The following ACOXL variants were observed in gnomAD, a reference collection of about 807,000 sequenced individuals.
ACOXL encodes the protein acyl-CoA oxidase like, also known as acyl-coenzyme A oxidase-like protein.
In ACOXL, 70 loss-of-function variants were observed where a neutral mutation model predicts 71.9. That is an observed-to-expected ratio of 0.97 (90% confidence interval 0.80 to 1.19). The LOEUF is 1.19. Among genes scored for constraint, ACOXL ranks in the 50% most tolerant of loss-of-function variants. The pLI is 0.00. For missense variants in ACOXL, 703 were observed against 736.3 expected (o/e 0.95, Z 0.52); for synonymous variants, 253 against 281.6 (o/e 0.90, Z 1.02).
chr2:111,009,597 G>C (rs2064048283), intron 14 of ACOXL, among the ~76,000 whole-genome samples: 1 of 151,734 alleles, frequency 6.6e-6, no homozygotes, highest in South Asian at 2.1e-4. Context: ...ATCCCAAAAA[G>C]AAAGAAGCCG....
chr2:110,999,199 C>T (rs766632932), intron 14 of ACOXL, among the ~76,000 whole-genome samples: 59 of 152,248 alleles, frequency 3.9e-4, no homozygotes, highest in Middle Eastern at 3.4e-3. Flanking sequence ...ATGGCCGCCC[C>T]GCTTGCTACC....
chr2:110,890,648 C>G (rs1697824314), intron 10 of ACOXL, among the ~76,000 whole-genome samples: 1 of 152,188 alleles, frequency 6.6e-6, no homozygotes, highest in South Asian at 2.1e-4. Flanking sequence ...TCTAGACTCT[C>G]AATTCTATTC....
intron 11 of ACOXL, among the ~76,000 whole-genome samples, chr2:110,923,784 A>T (rs2060167945): frequency 6.6e-6 from 1 of 152,034 alleles, no homozygotes; most frequent in South Asian, 2.1e-4. Flanking sequence ...ACATACAAAA[A>T]AATTAGCTGG....
intron 14 of ACOXL, among the ~76,000 whole-genome samples, chr2:111,030,706 T>C (rs1288438523): frequency 2.0e-5 from 3 of 149,930 alleles, no homozygotes; most frequent in African/African-American, 7.4e-5. Context: ...AGTGTAACTT[T>C]CTATTTGAGT....
At chr2:111,061,024 G>C (rs72946281) in intron 16 of ACOXL, among the ~76,000 whole-genome samples, 40 of 152,282 alleles carry the variant, frequency 2.6e-4, no homozygotes, top group African/African-American at 9.4e-4. Flanking sequence ...TCAGGGACCT[G>C]TGGGACTATA....
At chr2:110,921,021 C>T (rs963865377) in intron 11 of ACOXL, among the ~76,000 whole-genome samples, 1 of 152,048 alleles carries the variant, frequency 6.6e-6, no homozygotes, top group African/African-American at 2.4e-5. Context: ...AAATATAGGA[C>T]TTTTCAGATT....
intron 15 of ACOXL, among the ~76,000 whole-genome samples, chr2:111,047,150 GT>G (rs2066055695): frequency 3.3e-5 from 5 of 152,220 alleles, no homozygotes; most frequent in African/African-American, 1.2e-4. Flanking sequence ...ATGGGAAAAA[GT>G]TGGAAAGGGC....
At chr2:111,084,807 G>A (rs1477469782) in intron 16 of ACOXL, among the ~76,000 whole-genome samples, 1 of 151,482 alleles carries the variant, frequency 6.6e-6, no homozygotes, top group African/African-American at 2.4e-5. Context: ...CCAATAGTAT[G>A]CTGTCTTCAA....
chr2:111,065,559 A>G (rs947061935), intron 16 of ACOXL, among the ~76,000 whole-genome samples: 5 of 152,222 alleles, frequency 3.3e-5, no homozygotes, highest in African/African-American at 1.2e-4. Flanking sequence ...GTGAAAGACT[A>G]TGTTCAGAGT....
rs78792135 is a variant in ACOXL at position 110,890,665 on chromosome 2, T to A, written c.789-18124T>A. ...TAGACTCTCAATTCTATTCCATTGATCTATATGTCTATCCTATGCCAGTAT... is the reference window on the plus strand; with the variant it reads ...TAGACTCTCAATTCTATTCCATTGAACTATATGTCTATCCTATGCCAGTAT... On this transcript the variant is annotated intron_variant, in intron 10 of 17. Coordinates refer to ENST00000439055, the MANE Select transcript of ACOXL (RefSeq NM_001142807.4). 5.7e-3 allele frequency among the ~76,000 whole-genome samples: 862 copies of A among 152,322 alleles called. 7 individuals are homozygous for A. The highest frequency in any genetic ancestry group is 8.1e-3 in the Non-Finnish European group (554 of 68,004).
chr2:110,896,018 T>G (rs1181609170), intron 10 of ACOXL, among the ~76,000 whole-genome samples: 1 of 152,128 alleles, frequency 6.6e-6, no homozygotes, highest in Non-Finnish European at 1.5e-5. Flanking sequence ...TAAATTATGT[T>G]TGGCAGTAAG....
intron 11 of ACOXL, among the ~76,000 whole-genome samples, chr2:110,933,133 A>G (rs1485184093): frequency 6.6e-6 from 1 of 152,184 alleles, no homozygotes; most frequent in Non-Finnish European, 1.5e-5. Flanking sequence ...ATGTCTGACA[A>G]TCTCCAAATT....
chr2:111,091,128 T>C (rs1364114048), intron 16 of ACOXL, among the ~76,000 whole-genome samples: 1 of 152,098 alleles, frequency 6.6e-6, no homozygotes, highest in Non-Finnish European at 1.5e-5. Flanking sequence ...CCTCTTAAAA[T>C]GTCCCTGTTT....
At chr2:110,874,742 C>G (rs970811096) in intron 10 of ACOXL, among the ~76,000 whole-genome samples, 3 of 152,182 alleles carry the variant, frequency 2.0e-5, no homozygotes, top group African/African-American at 7.2e-5. Flanking sequence ...GCCGTGAGGG[C>G]TGTGCTGCTT....
rs568582793 is a variant in ACOXL at position 110,875,805 on chromosome 2, T to C, written c.789-32984T>C. Reference sequence around the variant, plus strand: ...ATGAGGATTGTAAATTCCACCCTTATGGCACCTAAGTGAAGCTGTTGAAAG... The same window carrying C: ...ATGAGGATTGTAAATTCCACCCTTACGGCACCTAAGTGAAGCTGTTGAAAG... On this transcript the variant is annotated intron_variant, in intron 10 of 17. Coordinates refer to ENST00000439055, the MANE Select transcript of ACOXL (RefSeq NM_001142807.4). Among the ~76,000 whole-genome samples the C allele has an allele frequency of 2.0e-5, 3 of 152,252 alleles. No homozygotes were observed. In the East Asian group the frequency reaches 5.8e-4, roughly 29 times the overall value.
chr2:110,816,461 A>G lies in ACOXL; in HGVS notation c.753+11066A>G, dbSNP rs1045464563. 2.6e-5 allele frequency among the ~76,000 whole-genome samples: 4 copies of G among 152,210 alleles called. No individual in the cohort carries two copies. In the East Asian group the frequency reaches 7.7e-4, roughly 29 times the overall value. ...AGAAAAACAAGCACTTTCTGTTTCT[A>G]ATGTGTATATGGAGATCTTTTGGAC... On this transcript the variant is annotated intron_variant, in intron 9 of 17. Transcript: ENST00000439055.
At chr2:110,911,375 G>A (rs927929626) in intron 11 of ACOXL, among the ~76,000 whole-genome samples, 3 of 152,026 alleles carry the variant, frequency 2.0e-5, no homozygotes, top group African/African-American at 7.2e-5. Context: ...CTTATCCCAT[G>A]TGGCCAGTAT....
At chr2:111,070,267 A>G (rs1362853968) in intron 16 of ACOXL, among the ~76,000 whole-genome samples, 10 of 152,220 alleles carry the variant, frequency 6.6e-5, no homozygotes, top group Non-Finnish European at 4.4e-5. Context: ...ATGCCCATCA[A>G]TGGTAGACTG....
At chr2:110,883,699 G>A (rs549420300) in intron 10 of ACOXL, among the ~76,000 whole-genome samples, 103 of 152,222 alleles carry the variant, frequency 6.8e-4, no homozygotes, top group African/African-American at 2.3e-3. Context: ...GTTTAGGAAT[G>A]AGTAATACTT....
Sources: allele counts gnomAD v4.1 joint callset (sites outside exome capture counted in the v4.1 genomes callset), GRCh38; gene constraint gnomAD v4.1.1; transcripts MANE v1.5; gene names NCBI Gene and HGNC (gene_info 2026-07-23, HGNC 2026-07-21).